ADGRL3: variants seen among roughly 807,000 people sequenced by gnomAD.
ADGRL3 encodes calcium-independent alpha-latrotoxin receptor 3.
In ADGRL3, 62 loss-of-function variants were observed where a neutral mutation model predicts 153.5. The ratio of observed to expected loss-of-function variants is 0.40; its 90% CI spans 0.33 to 0.50. ADGRL3 has a LOEUF of 0.50. Ranked by LOEUF, ADGRL3 falls within the 20% of genes least tolerant of loss-of-function variation. ADGRL3 has a pLI of 0.47. For missense variants in ADGRL3, 1,641 were observed against 1,859.4 expected (o/e 0.88, Z 2.16); for synonymous variants, 710 against 672.5 (o/e 1.06, Z -0.86).
At chr4:61,372,308 G>C (rs1055305218) in intron 1 of ADGRL3, among the ~76,000 whole-genome samples, 9 of 152,236 alleles carry the variant, frequency 5.9e-5, no homozygotes, top group Admixed American at 1.3e-4. Flanking sequence ...GAGGCGCTCT[G>C]CTTTTTAGAG....
chr4:61,354,977 C>T (rs954006640), intron 1 of ADGRL3, among the ~76,000 whole-genome samples: 1 of 152,036 alleles, frequency 6.6e-6, no homozygotes, highest in African/African-American at 2.4e-5. Context: ...TATTTATGTT[C>T]AATGGACCAG....
At chr4:61,548,104 C>G (rs34482030) in intron 4 of ADGRL3, among the ~76,000 whole-genome samples, 1 of 151,322 alleles carries the variant, frequency 6.6e-6, no homozygotes, top group African/African-American at 2.4e-5. Flanking sequence ...CTGTTCATGT[C>G]CTTTGCCCAT....
chr4:61,852,132 A>G (rs2149165720), intron 9 of ADGRL3, among the ~76,000 whole-genome samples: 1 of 152,066 alleles, frequency 6.6e-6, no homozygotes, highest in South Asian at 2.1e-4. Context: ...ACTTCTTAGA[A>G]CCCTTTTTTA....
chr4:61,574,326 G>T (rs1179382523), intron 4 of ADGRL3, among the ~76,000 whole-genome samples: 1 of 151,872 alleles, frequency 6.6e-6, no homozygotes, highest in Non-Finnish European at 1.5e-5. Flanking sequence ...TTGCAATAAG[G>T]TATGTGGATG....
intron 5 of ADGRL3, among the ~76,000 whole-genome samples, chr4:61,622,376 C>T (rs976688464): frequency 6.6e-6 from 1 of 152,146 alleles, no homozygotes; most frequent in Non-Finnish European, 1.5e-5. Flanking sequence ...ACAAAGGACA[C>T]ATATCCAACA....
intron 4 of ADGRL3, among the ~76,000 whole-genome samples, chr4:61,559,641 C>CT (rs1172266044): frequency 7.3e-5 from 11 of 151,666 alleles, no homozygotes; most frequent in Non-Finnish European, 1.3e-4. Flanking sequence ...TTATGTGTTA[C>CT]TTTTTTTTCT....
Position 61,323,273 on chromosome 4 carries a change from G to T in ADGRL3, c.-239-59851G>T, listed in dbSNP as rs190904858. Among the ~76,000 whole-genome samples the T allele has an allele frequency of 3.3e-5, 5 of 152,190 alleles. No individual in the cohort carries two copies. The East Asian group carries it at 5.8e-4, about 18-fold the overall frequency. The stretch of plus-strand genomic sequence containing the variant: ...ATGCCTTCAGGCCTGTGATGGGAGG[G>T]GCTGCTGCAAAGGTCTCTGGTGTGC... On this transcript the variant is annotated intron_variant, in intron 1 of 26. Transcript: ENST00000683033.
chr4:61,962,046 C>G (rs911473382), intron 17 of ADGRL3, among the ~76,000 whole-genome samples: 24 of 151,904 alleles, frequency 1.6e-4, no homozygotes, highest in Non-Finnish European at 1.3e-4. Context: ...GTTGTTCAGC[C>G]TGGGCAACAC....
intron 9 of ADGRL3, among the ~76,000 whole-genome samples, chr4:61,845,349 T>C (rs999856272): frequency 1.3e-5 from 2 of 151,710 alleles, no homozygotes; most frequent in African/African-American, 2.4e-5. Context: ...AATTAACTGT[T>C]TTGTAATTTT....
At chr4:61,610,801 T>TC (rs1380959669) in intron 5 of ADGRL3, among the ~76,000 whole-genome samples, 1 of 151,434 alleles carries the variant, frequency 6.6e-6, no homozygotes, top group Non-Finnish European at 1.5e-5. Context: ...GGAAATCTTT[T>TC]TTTTTCTTTT....
chr4:61,422,046 A>G (rs77826020), intron 2 of ADGRL3, among the ~76,000 whole-genome samples: 4,941 of 152,200 alleles, frequency 0.032, 255 homozygotes, highest in East Asian at 0.22. Flanking sequence ...CTTATATAAT[A>G]TTTATAACTT....
intron 1 of ADGRL3, among the ~76,000 whole-genome samples, chr4:61,210,960 TAC>T (rs1739732715): frequency 6.6e-6 from 1 of 152,214 alleles, no homozygotes; most frequent in Non-Finnish European, 1.5e-5. Context: ...AAAAATTATA[TAC>T]AATCATCTTT....
At chr4:61,927,414 T>A (rs915246410) in intron 13 of ADGRL3, among the ~76,000 whole-genome samples, 1 of 152,080 alleles carries the variant, frequency 6.6e-6, no homozygotes, top group African/African-American at 2.4e-5. Context: ...TTCTATGAAA[T>A]TTTAGTTTCA....
At chr4:61,958,377 G>GTTTCTTTCTTTCTTTCTTTCTTTC (rs3065141) in intron 17 of ADGRL3, among the ~76,000 whole-genome samples, 14 of 148,168 alleles carry the variant, frequency 9.4e-5, no homozygotes, top group Non-Finnish European at 1.6e-4. Flanking sequence ...TGTTGTAAAG[G>GTTTCTTTCTTTCTTTCTTTCTTTC]TTTCTTTCTT....
intron 17 of ADGRL3, among the ~76,000 whole-genome samples, chr4:61,960,997 T>C (rs556064088): frequency 6.6e-6 from 1 of 152,268 alleles, no homozygotes; most frequent in South Asian, 2.1e-4. Context: ...TGTGAGCCAC[T>C]GCACCTGGCC....
chr4:61,525,858 G>C (rs567632588), intron 4 of ADGRL3, among the ~76,000 whole-genome samples: 1 of 152,216 alleles, frequency 6.6e-6, no homozygotes, highest in South Asian at 2.1e-4. Context: ...GTTGGTCTTA[G>C]ATATATTGAT....
intron 4 of ADGRL3, among the ~76,000 whole-genome samples, chr4:61,551,515 A>G (rs1233032633): frequency 6.6e-6 from 1 of 152,130 alleles, no homozygotes; most frequent in Non-Finnish European, 1.5e-5. Flanking sequence ...CCAGCATTTT[A>G]CTCATATGAG....
intron 8 of ADGRL3, among the ~76,000 whole-genome samples, chr4:61,784,496 C>G (rs1035404911): frequency 6.6e-6 from 1 of 152,122 alleles, no homozygotes; most frequent in Non-Finnish European, 1.5e-5. Context: ...CATTCAGTCA[C>G]TGTCTTCACA....
At chr4:61,206,537 T>C (rs1197710816) in intron 1 of ADGRL3, among the ~76,000 whole-genome samples, 1 of 152,208 alleles carries the variant, frequency 6.6e-6, no homozygotes, top group Non-Finnish European at 1.5e-5. Context: ...CTTTAACACG[T>C]GTTCAGTGGA....
Sources: allele counts gnomAD v4.1 joint callset (sites outside exome capture counted in the v4.1 genomes callset), GRCh38; gene constraint gnomAD v4.1.1; transcripts MANE v1.5; gene names NCBI Gene and HGNC (gene_info 2026-07-23, HGNC 2026-07-21).